Variants in MALRD1 observed in about 807,000 individuals in gnomAD.
The protein encoded by MALRD1 is MAM and LDL-receptor class A domain-containing protein 1.
MALRD1 carries 247 observed loss-of-function variants against 242.1 expected under a neutral mutation model. That is an observed-to-expected ratio of 1.02 (90% CI 0.92 to 1.13). The LOEUF is 1.13. Among genes scored for constraint, MALRD1 ranks in the 50% most tolerant of loss-of-function variants. MALRD1 has a pLI of 0.00. For missense variants in MALRD1, 2,989 were observed against 2,533.1 expected (o/e 1.18, Z -3.86); for synonymous variants, 995 against 866.6 (o/e 1.15, Z -2.60).
chr10:19,634,560 A>G (rs1002050448), intron 36 of MALRD1, among the ~76,000 whole-genome samples: 1 of 152,150 alleles, frequency 6.6e-6, no homozygotes, highest in African/African-American at 2.4e-5. Flanking sequence ...GTATTCGAAA[A>G]GTCATGCTTG....
intron 21 of MALRD1, among the ~76,000 whole-genome samples, chr10:19,296,625 C>T (rs374591300): frequency 6.6e-6 from 1 of 152,090 alleles, no homozygotes; most frequent in Non-Finnish European, 1.5e-5. Flanking sequence ...ACTGCACTAT[C>T]ATTTCAAGAT....
At chr10:19,094,711 T>G (rs1169544239) in intron 4 of MALRD1, among the ~76,000 whole-genome samples, 1 of 152,228 alleles carries the variant, frequency 6.6e-6, no homozygotes, top group African/African-American at 2.4e-5. Flanking sequence ...GGAGACTGTT[T>G]AAATACTTAT....
rs736241 is a variant in MALRD1 at position 19,684,532 on chromosome 10, A to T, written c.6138-7750A>T. On this transcript the variant is annotated intron_variant, in intron 36 of 39. Coordinates refer to ENST00000454679, the MANE Select transcript of MALRD1 (RefSeq NM_001142308.3). The stretch of plus-strand genomic sequence containing the variant: ...GCACTTGGGGAGGCTGGGGCAGATG[A>T]ACCACTTGAGGCCAGGATTTTGAGA... 7.4e-3 allele frequency among the ~76,000 whole-genome samples: 1,120 copies of T among 152,292 alleles called. 13 individuals carry two copies. The highest frequency in any genetic ancestry group is 0.024 in the African/African-American group (1,013 of 41,558).
chr10:19,640,231 A>C (rs1840321684), intron 36 of MALRD1, among the ~76,000 whole-genome samples: 1 of 152,144 alleles, frequency 6.6e-6, no homozygotes, highest in Non-Finnish European at 1.5e-5. Flanking sequence ...CAGGGATTAC[A>C]GGTGTGCACC....
intron 36 of MALRD1, among the ~76,000 whole-genome samples, chr10:19,682,761 C>G (rs1842424601): frequency 6.6e-6 from 1 of 152,152 alleles, no homozygotes; most frequent in Non-Finnish European, 1.5e-5. Context: ...CTCAATTTCC[C>G]CTTCTGCTGA....
chr10:19,468,725 A>C (rs1482656182), intron 29 of MALRD1, among the ~76,000 whole-genome samples: 1 of 151,976 alleles, frequency 6.6e-6, no homozygotes, highest in Admixed American at 6.6e-5. Flanking sequence ...TGTTTATATA[A>C]TCTGAAAGAC....
chr10:19,314,326 A>G (rs180699064), intron 21 of MALRD1, among the ~76,000 whole-genome samples: 2 of 151,736 alleles, frequency 1.3e-5, no homozygotes, highest in Admixed American at 6.6e-5. Context: ...ACTTGAGTCT[A>G]GGAATCTAAA....
chr10:19,335,961 C>G (rs985945851), intron 24 of MALRD1, among the ~76,000 whole-genome samples: 3 of 151,974 alleles, frequency 2.0e-5, no homozygotes, highest in South Asian at 2.1e-4. Flanking sequence ...CCTAGCCCCC[C>G]ACCCGCCGAC....
chr10:19,341,131 TTCTA>T (rs1184616875), intron 24 of MALRD1, among the ~76,000 whole-genome samples: 1 of 152,066 alleles, frequency 6.6e-6, no homozygotes, highest in Non-Finnish European at 1.5e-5. Flanking sequence ...TTGTATATCT[TTCTA>T]TATTTTTTAC....
chr10:19,257,579 T>C (rs752400505), intron 18 of MALRD1, 105 bp from the exon 19 acceptor site: 152 of 875,530 alleles, frequency 1.7e-4, no homozygotes, highest in Non-Finnish European at 2.0e-4. Flanking sequence ...GCACAGAAGG[T>C]TATATTTGGG....
chr10:19,180,958 A>G (rs977564928), intron 14 of MALRD1, among the ~76,000 whole-genome samples: 2 of 152,202 alleles, frequency 1.3e-5, no homozygotes, highest in Non-Finnish European at 2.9e-5. Flanking sequence ...ATATGAACAG[A>G]TATTCCACAT....
intron 31 of MALRD1, among the ~76,000 whole-genome samples, chr10:19,500,416 T>C (rs1271923687): frequency 2.0e-5 from 3 of 152,202 alleles, no homozygotes; most frequent in African/African-American, 7.2e-5. Flanking sequence ...CTATACAGTA[T>C]GGTGCTGGCA....
intron 34 of MALRD1, among the ~76,000 whole-genome samples, chr10:19,605,238 T>A (rs1380731897): frequency 2.0e-5 from 3 of 151,560 alleles, no homozygotes; most frequent in Admixed American, 1.3e-4. Flanking sequence ...CACTGTAACC[T>A]CCACCTCCCA....
chr10:19,643,446 C>G (rs969555223), intron 36 of MALRD1, among the ~76,000 whole-genome samples: 1 of 149,754 alleles, frequency 6.7e-6, no homozygotes, highest in Non-Finnish European at 1.5e-5. Flanking sequence ...AACTCCGTCT[C>G]AAAAAAAAAT....
At chr10:19,147,517 T>C (rs1833764864) in intron 11 of MALRD1, among the ~76,000 whole-genome samples, 1 of 152,256 alleles carries the variant, frequency 6.6e-6, no homozygotes. Context: ...TAAATCATTG[T>C]AACTATGTAT....
At chr10:19,686,725 A>G (rs1842600142) in intron 36 of MALRD1, among the ~76,000 whole-genome samples, 1 of 152,112 alleles carries the variant, frequency 6.6e-6, no homozygotes, top group African/African-American at 2.4e-5. Context: ...TACTGTGACA[A>G]TCCCAACCAA....
intron 24 of MALRD1, among the ~76,000 whole-genome samples, chr10:19,337,320 G>A (rs73593873): frequency 0.058 from 8,868 of 152,174 alleles, 541 homozygotes; most frequent in African/African-American, 0.15. Flanking sequence ...TGGAAGGATG[G>A]CAAATTAAAA....
At chr10:19,316,268 T>G (rs547946925) in intron 21 of MALRD1, among the ~76,000 whole-genome samples, 2 of 151,896 alleles carry the variant, frequency 1.3e-5, no homozygotes, top group South Asian at 4.2e-4. Flanking sequence ...TCAGTAAAGA[T>G]GTAGTGAACA....
chr10:19,262,253 T>G (rs1435827712), intron 19 of MALRD1, among the ~76,000 whole-genome samples: 2 of 152,190 alleles, frequency 1.3e-5, no homozygotes, highest in African/African-American at 4.8e-5. Context: ...GTGTACAATA[T>G]GATGTTTTGA....
Sources: allele counts gnomAD v4.1 joint callset (sites outside exome capture counted in the v4.1 genomes callset), GRCh38; gene constraint gnomAD v4.1.1; transcripts MANE v1.5; gene names NCBI Gene and HGNC (gene_info 2026-07-23, HGNC 2026-07-21).